Variants in FBXL13 observed in about 807,000 individuals in gnomAD.
The protein encoded by FBXL13 is F-box and leucine rich repeat protein 13.
A neutral mutation model predicts 83.6 loss-of-function variants in FBXL13; 67 were observed. That is an observed-to-expected ratio of 0.80 (90% CI 0.66 to 0.98). The LOEUF (loss-of-function observed/expected upper bound fraction) is 0.98, where lower values mean the gene tolerates loss of function less well. Ranked by LOEUF, FBXL13 falls within the 50% of genes least tolerant of loss-of-function variation. The pLI, the probability that FBXL13 is intolerant of heterozygous loss-of-function variation, is 0.00. For synonymous variants in FBXL13, 272 were observed against 299.5 expected (o/e 0.91, Z 0.95); for missense variants, 822 against 866.5 (o/e 0.95, Z 0.64).
chr7:102,889,253 A>G (rs1584794045), intron 11 of FBXL13, among the ~76,000 whole-genome samples: 2 of 152,268 alleles, frequency 1.3e-5, no homozygotes, highest in East Asian at 3.9e-4. Flanking sequence ...TGCTGAACAT[A>G]GTGTCTGACA....
At chr7:102,893,076 GT>G (rs1204142620) in intron 11 of FBXL13, among the ~76,000 whole-genome samples, 5 of 152,120 alleles carry the variant, frequency 3.3e-5, no homozygotes, top group Non-Finnish European at 7.4e-5. Flanking sequence ...TTCACAACTG[GT>G]TTAGCTGGTC....
At chr7:102,824,947 C>T (rs1166176172) in intron 18 of FBXL13, among the ~76,000 whole-genome samples, 1 of 151,940 alleles carries the variant, frequency 6.6e-6, no homozygotes, top group East Asian at 1.9e-4. Flanking sequence ...TTTGTTTTTC[C>T]TAGTGCATTC....
chr7:102,913,478 G>A (rs1815175099), intron 10 of FBXL13, among the ~76,000 whole-genome samples: 1 of 152,182 alleles, frequency 6.6e-6, no homozygotes, highest in Non-Finnish European at 1.5e-5. Flanking sequence ...AGATATTTAA[G>A]AAAGTTGACT....
chr7:102,957,625 A>T (rs1243099698), intron 8 of FBXL13, among the ~76,000 whole-genome samples: 4 of 152,180 alleles, frequency 2.6e-5, no homozygotes, highest in Non-Finnish European at 4.4e-5. Flanking sequence ...AAATTTTTGC[A>T]ATCTACCCAT....
At chr7:102,933,710 T>C (rs1819668884) in intron 8 of FBXL13, 1 of 446,276 alleles carries the variant, frequency 2.2e-6, no homozygotes. Context: ...TCTGTTCTTA[T>C]CTGTCAGTAA....
At chr7:102,868,386 C>T (rs959423001) in intron 16 of FBXL13, among the ~76,000 whole-genome samples, 6 of 152,148 alleles carry the variant, frequency 3.9e-5, no homozygotes, top group African/African-American at 7.2e-5. Flanking sequence ...TTTCAGATTC[C>T]GCATATGAGT....
intron 10 of FBXL13, among the ~76,000 whole-genome samples, chr7:102,923,886 T>TA (rs1817563806): frequency 6.6e-6 from 1 of 152,018 alleles, no homozygotes; most frequent in Admixed American, 6.6e-5. Context: ...CATGATTTGA[T>TA]AAAAATTTTA....
At chr7:102,866,700 G>A (rs897548437) in intron 16 of FBXL13, among the ~76,000 whole-genome samples, 20 of 152,122 alleles carry the variant, frequency 1.3e-4, no homozygotes, top group East Asian at 3.8e-4. Flanking sequence ...ATTAAGACAC[G>A]CAGCTGTAAG....
chr7:102,835,459 T>A (rs141393709), intron 17 of FBXL13, among the ~76,000 whole-genome samples: 1 of 152,282 alleles, frequency 6.6e-6, no homozygotes, highest in East Asian at 1.9e-4. Flanking sequence ...AGCTTTCATA[T>A]CCCTTTCCCA....
chr7:102,978,003 C>T lies in FBXL13; in HGVS notation c.496-9886G>A, dbSNP rs151173425. Among the ~76,000 whole-genome samples the T allele has an allele frequency of 1.9e-3, 282 of 152,102 alleles. 3 individuals carry two copies. In the East Asian group the frequency reaches 0.047, roughly 25 times the overall value. ...AGGAGATATACCTAATGTTAAATGA[C>T]GAATTAATGGGTGCGGCACACCAAC... On this transcript the variant is annotated intron_variant, in intron 6 of 19. Transcript: ENST00000313221.
chr7:102,963,753 A>G, intron 7 of FBXL13, 88 bp from the exon 9 acceptor site: 1 of 1,304,994 alleles, frequency 7.7e-7, no homozygotes, highest in East Asian at 2.4e-5. Context: ...ATGTGACCTA[A>G]TTAAACTAAA....
At chr7:102,899,840 G>A (rs1054967137) in intron 11 of FBXL13, among the ~76,000 whole-genome samples, 3 of 152,232 alleles carry the variant, frequency 2.0e-5, no homozygotes, top group Middle Eastern at 3.4e-3. Flanking sequence ...TTGGGAGGAC[G>A]AGGTGGGCAA....
At chr7:102,909,582 A>C (rs1814318770) in intron 11 of FBXL13, among the ~76,000 whole-genome samples, 1 of 152,296 alleles carries the variant, frequency 6.6e-6, no homozygotes, top group African/African-American at 2.4e-5. Flanking sequence ...TCAGGGCCCA[A>C]GGGCTCTTCA....
intron 14 of FBXL13, among the ~76,000 whole-genome samples, chr7:102,882,717 G>A (rs557430047): frequency 2.6e-5 from 4 of 152,152 alleles, no homozygotes; most frequent in East Asian, 3.9e-4. Context: ...AGCTGAGATC[G>A]TGCCACTGCC....
chr7:102,894,241 A>G (rs1811977343), intron 11 of FBXL13, among the ~76,000 whole-genome samples: 1 of 152,198 alleles, frequency 6.6e-6, no homozygotes, highest in African/African-American at 2.4e-5. Context: ...AACTGAAATG[A>G]CCTTGGAATC....
intron 2 of FBXL13, among the ~76,000 whole-genome samples, chr7:103,037,310 A>G (rs6465888): frequency 0.97 from 148,183 of 152,284 alleles, 72,244 homozygotes; most frequent in East Asian, 1. Flanking sequence ...ACTGATTCTT[A>G]TTTGGGGCAC....
chr7:103,033,911 T>G (rs1311894251), intron 2 of FBXL13, among the ~76,000 whole-genome samples: 1 of 152,178 alleles, frequency 6.6e-6, no homozygotes, highest in Non-Finnish European at 1.5e-5. Flanking sequence ...TTACAATCCC[T>G]GAGCTAGACA....
At chr7:102,982,731 G>A (rs1467273084) in intron 6 of FBXL13, among the ~76,000 whole-genome samples, 2 of 152,090 alleles carry the variant, frequency 1.3e-5, no homozygotes, top group Non-Finnish European at 2.9e-5. Flanking sequence ...CCATGATTGT[G>A]AGGCCTCCCC....
chr7:103,012,625 C>A (rs1791774160), intron 6 of FBXL13, among the ~76,000 whole-genome samples: 1 of 152,136 alleles, frequency 6.6e-6, no homozygotes, highest in African/African-American at 2.4e-5. Context: ...TTCTTACCAA[C>A]AGACATGCCT....
Sources: allele counts gnomAD v4.1 joint callset (sites outside exome capture counted in the v4.1 genomes callset), GRCh38; gene constraint gnomAD v4.1.1; transcripts MANE v1.5; gene names NCBI Gene and HGNC (gene_info 2026-07-23, HGNC 2026-07-21).